The following CDC42BPB variants were observed in gnomAD, a reference collection of about 807,000 sequenced individuals.
The protein encoded by CDC42BPB is CDC42 binding protein kinase beta, also known as serine/threonine-protein kinase MRCK beta.
CDC42BPB carries 37 observed loss-of-function variants against 214.9 expected under a neutral mutation model. The ratio of observed to expected loss-of-function variants is 0.17; its 90% CI spans 0.13 to 0.23. The LOEUF is 0.23. Ranked by LOEUF, CDC42BPB falls within the 10% of genes least tolerant of loss-of-function variation. CDC42BPB has a pLI of 1.00. For synonymous variants in CDC42BPB, 931 were observed against 884.0 expected (o/e 1.05, Z -0.94); for missense variants, 1,694 against 2,227.0 (o/e 0.76, Z 4.82).
chr14:102,968,701 G>C lies in CDC42BPB; in HGVS notation c.2011C>G (p.Arg671Gly), dbSNP rs144812182. ...TGCTCTAAGGTGGCACCCGCTCCCC[G>C]GCCTCCTTGCTTCACCTGAAGACAA... is the stretch of plus-strand genomic sequence containing the variant. ...LEALKVKQGG[R>G]GAGATLEHQQ... The change falls in exon 15 of 37, where the codon CGG (arginine) becomes GGG (glycine). Residue 671 changes from arginine to glycine, a missense_variant. This residue lies in a region of CDC42BPB where 462 missense variants were observed against 513.5 expected (regional missense o/e 0.90). Transcript: ENST00000361246. The C allele has an allele frequency of 3.0e-5, 48 of 1,613,840 alleles. No homozygotes were observed. In the South Asian group the frequency reaches 4.1e-4, roughly 14 times the overall value.
intron 34 of CDC42BPB, 157 bp from the exon 35 acceptor site, chr14:102,938,568 C>G (rs773594495): frequency 7.0e-4 from 692 of 985,268 alleles, no homozygotes; most frequent in Non-Finnish European, 7.4e-4. Flanking sequence ...TCTGGACAGT[C>G]TGGAACTAAG....
chr14:102,963,644 G>T (rs1408506811), intron 19 of CDC42BPB, among the ~76,000 whole-genome samples: 1 of 152,232 alleles, frequency 6.6e-6, no homozygotes, highest in Non-Finnish European at 1.5e-5. Context: ...TGCAGTTTGT[G>T]GGGGCTGGTC....
intron 29 of CDC42BPB, 46 bp downstream of exon 29, chr14:102,945,616 G>C (rs1401985887): frequency 4.2e-5 from 66 of 1,561,318 alleles, no homozygotes; most frequent in African/African-American, 5.4e-5. Flanking sequence ...GCAGAGGCCA[G>C]GCTGGGCCTG....
chr14:102,950,902 GT>G (rs780699076), intron 24 of CDC42BPB: 10 of 154,438 alleles, frequency 6.5e-5, no homozygotes, highest in Non-Finnish European at 1.4e-4. Context: ...GGAGGCGGAG[GT>G]TGCAGTGAGC....
At chr14:102,983,841 G>A in intron 6 of CDC42BPB, 85 bp from the exon 7 acceptor site, 1 of 1,495,642 alleles carries the variant, frequency 6.7e-7, no homozygotes, top group Non-Finnish European at 8.9e-7. Context: ...ATATAGCGGA[G>A]GCAGAAAATG....
chr14:102,971,760 T>C (rs932187029), intron 13 of CDC42BPB, among the ~76,000 whole-genome samples, 159 bp downstream of exon 13: 3 of 152,226 alleles, frequency 2.0e-5, no homozygotes, highest in Non-Finnish European at 2.9e-5. Flanking sequence ...TATTGAGGAA[T>C]GAGAACAACA....
At chr14:103,026,871 A>T (rs1887086911) in intron 1 of CDC42BPB, among the ~76,000 whole-genome samples, 1 of 138,936 alleles carries the variant, frequency 7.2e-6, no homozygotes, top group Non-Finnish European at 1.6e-5. Context: ...CCGTCTCATT[A>T]AAAAAAAAAA....
At chr14:103,014,076 G>C (rs2139648749) in intron 1 of CDC42BPB, among the ~76,000 whole-genome samples, 1 of 150,684 alleles carries the variant, frequency 6.6e-6, no homozygotes, top group South Asian at 2.1e-4. Context: ...TGAGGCAGGA[G>C]AATGGCGTGA....
At chr14:102,987,788 A>AACACACACACACACACACAC (rs57579935) in intron 5 of CDC42BPB, among the ~76,000 whole-genome samples, 2 of 140,758 alleles carry the variant, frequency 1.4e-5, no homozygotes, top group African/African-American at 5.3e-5. Flanking sequence ...CAAACACACA[A>AACACACACACACACACACAC]ACACACACAC....
At chr14:103,046,398 G>A (rs933213515) in intron 1 of CDC42BPB, among the ~76,000 whole-genome samples, 3 of 151,998 alleles carry the variant, frequency 2.0e-5, no homozygotes, top group Admixed American at 6.6e-5. Context: ...GTTTCCAATC[G>A]TCCCATTCAT....
intron 14 of CDC42BPB, 71 bp from the exon 15 acceptor site, chr14:102,968,787 T>A: frequency 6.3e-7 from 1 of 1,576,780 alleles, no homozygotes; most frequent in Non-Finnish European, 8.6e-7. Context: ...TTTCAACCCC[T>A]TTCATCCCAA....
intron 34 of CDC42BPB, 179 bp from the exon 35 acceptor site, chr14:102,938,590 G>A (rs771199012): frequency 1.0e-6 from 1 of 978,520 alleles, no homozygotes; most frequent in South Asian, 4.7e-5. Context: ...ACTGGCAATA[G>A]CAACTTCAGG....
intron 5 of CDC42BPB, among the ~76,000 whole-genome samples, chr14:102,994,849 C>T (rs1370931052): frequency 6.6e-6 from 1 of 152,228 alleles, no homozygotes; most frequent in African/African-American, 2.4e-5. Context: ...CCTTGTGGAA[C>T]TTCCTGCTGC....
chr14:103,034,750 G>A lies in CDC42BPB; in HGVS notation c.175+22249C>T, dbSNP rs142932226. On this transcript the variant is annotated intron_variant, in intron 1 of 36. Transcript: ENST00000361246. ...AAAGAATCCCCTGAACCCGGGAGGCGGAGGTTGCAGTGAGCTAAGATCGTG... is the reference window on the plus strand; with the variant it reads ...AAAGAATCCCCTGAACCCGGGAGGCAGAGGTTGCAGTGAGCTAAGATCGTG... Among the ~76,000 whole-genome samples, 235 of 151,762 alleles carry A rather than the reference G, an allele frequency of 1.5e-3. 1 individual carries two copies. Among genetic ancestry groups the A allele is most frequent in the Non-Finnish European group, 2.5e-3 (169 of 67,916 alleles).
chr14:102,974,291 C>CACAT, intron 11 of CDC42BPB, 142 bp from the exon 12 acceptor site: 2 of 1,424,530 alleles, frequency 1.4e-6, no homozygotes, highest in South Asian at 3.0e-5. Context: ...TACACACACA[C>CACAT]ACACACACAC....
chr14:103,048,951 T>G (rs564105784), intron 1 of CDC42BPB, among the ~76,000 whole-genome samples: 2 of 152,188 alleles, frequency 1.3e-5, no homozygotes, highest in African/African-American at 4.8e-5. Context: ...AACACAAAAC[T>G]ATTTCCCTTA....
At position 102,966,349 on chromosome 14, in the gene CDC42BPB, G is replaced by A. The variant is rs1893200417; in HGVS notation, c.2510C>T (p.Ala837Val). The A allele has an allele frequency of 1.9e-6, 3 of 1,614,084 alleles. No individual in the cohort carries two copies. Among genetic ancestry groups the A allele is most frequent in the Non-Finnish European group, 2.5e-6 (3 of 1,179,948 alleles). ...CTCTTCGGTCATCTTGGAAGCAAGA[G>A]CTTGAAGGTAACCCCGGGCATCTTT... ...DEKDARGYLQ[A>V]LASKMTEELE... Residue 837 changes from alanine (A) to valine (V), a missense_variant, in exon 18 of 37, where the codon GCT becomes GTT. By Grantham distance (64) the Ala-to-Val change is moderately conservative. Coordinates refer to ENST00000361246, the MANE Select transcript of CDC42BPB (RefSeq NM_006035.4).
chr14:103,021,858 T>C (rs559277729), intron 1 of CDC42BPB, among the ~76,000 whole-genome samples: 1 of 152,276 alleles, frequency 6.6e-6, no homozygotes, highest in South Asian at 2.1e-4. Context: ...AGATCCTGGC[T>C]GTTCCTGAAA....
At chr14:102,940,478 C>T in intron 30 of CDC42BPB, 154 bp from the exon 31 acceptor site, 2 of 1,455,866 alleles carry the variant, frequency 1.4e-6, no homozygotes, top group Non-Finnish European at 1.8e-6. Flanking sequence ...TGTTCCCACT[C>T]TGGAATTCAT....
Sources: gnomAD v4.1 joint callset for allele counts (sites outside exome capture counted in the v4.1 genomes callset) on GRCh38, gnomAD v4.1.1 for gene constraint, gnomAD v4.1.1 regional missense constraint, MANE v1.5 for transcripts, NCBI Gene and HGNC (gene_info 2026-07-23, HGNC 2026-07-21) for gene names.